The following GABRG3 variants were observed in gnomAD, a reference collection of about 807,000 sequenced individuals.
The protein encoded by GABRG3 is gamma-aminobutyric acid type A receptor subunit gamma3.
In GABRG3, 25 loss-of-function variants were observed where a neutral mutation model predicts 48.8. The ratio of observed to expected loss-of-function variants is 0.51; its 90% CI spans 0.37 to 0.72. The LOEUF is 0.72. GABRG3 is among the 30% of genes least tolerant of loss of function. GABRG3 has a pLI of 0.00. For missense variants in GABRG3, 394 were observed against 577.9 expected (o/e 0.68, Z 3.26); for synonymous variants, 227 against 217.6 (o/e 1.04, Z -0.38).
chr15:27,350,146 A>T (rs575610001), intron 5 of GABRG3: 5 of 455,836 alleles, frequency 1.1e-5, no homozygotes, highest in African/African-American at 1.0e-4. Flanking sequence ...TGGCCTTCAG[A>T]TTGTCTCTTC....
intron 3 of GABRG3, among the ~76,000 whole-genome samples, chr15:27,089,528 A>G (rs1303193520): frequency 6.6e-6 from 1 of 152,134 alleles, no homozygotes; most frequent in African/African-American, 2.4e-5. Flanking sequence ...CTCAGAGTTG[A>G]AAGGCAGTTC....
intron 6 of GABRG3, among the ~76,000 whole-genome samples, chr15:27,488,980 T>A (rs537838821): frequency 6.6e-6 from 1 of 152,288 alleles, no homozygotes; most frequent in East Asian, 1.9e-4. Flanking sequence ...GCTGCACCCA[T>A]CAACCTGTCA....
At chr15:27,071,843 A>G (rs187247768) in intron 3 of GABRG3, among the ~76,000 whole-genome samples, 1 of 152,198 alleles carries the variant, frequency 6.6e-6, no homozygotes, top group Admixed American at 6.5e-5. Flanking sequence ...GCGTACTAAG[A>G]TGGCTTTTCT....
intron 3 of GABRG3, among the ~76,000 whole-genome samples, chr15:27,268,976 C>G (rs550495587): frequency 6.6e-6 from 1 of 152,100 alleles, no homozygotes; most frequent in Non-Finnish European, 1.5e-5. Context: ...ACACTGTTGC[C>G]CAGGGTCTGT....
intron 5 of GABRG3, among the ~76,000 whole-genome samples, chr15:27,396,712 C>G (rs1887308968): frequency 6.6e-6 from 1 of 152,086 alleles, no homozygotes; most frequent in South Asian, 2.1e-4. Flanking sequence ...TTCATAATTG[C>G]CAAAATTTGA....
At chr15:27,231,124 A>G (rs1402414301) in intron 3 of GABRG3, among the ~76,000 whole-genome samples, 11 of 152,048 alleles carry the variant, frequency 7.2e-5, no homozygotes, top group Admixed American at 7.2e-4. Flanking sequence ...GGAAATATCA[A>G]ATATCCATAT....
At chr15:27,041,879 G>A (rs552014164) in intron 3 of GABRG3, among the ~76,000 whole-genome samples, 34 of 152,244 alleles carry the variant, frequency 2.2e-4, no homozygotes, top group Non-Finnish European at 2.8e-4. Context: ...GGACTTTGCC[G>A]TCCCTCCCTG....
chr15:27,027,126 T>C (rs1234904980), intron 3 of GABRG3: 4 of 249,410 alleles, frequency 1.6e-5, no homozygotes, highest in Non-Finnish European at 3.0e-5. Context: ...AGTTTGGACT[T>C]TGAGAGTAAA....
intron 3 of GABRG3, among the ~76,000 whole-genome samples, chr15:27,110,621 T>C (rs1224680861): frequency 6.6e-6 from 1 of 152,068 alleles, no homozygotes; most frequent in Non-Finnish European, 1.5e-5. Flanking sequence ...TTCTCTTTCA[T>C]TTTTGGAAGC....
chr15:27,350,231 A>G (rs992484625), intron 5 of GABRG3: 4 of 454,954 alleles, frequency 8.8e-6, no homozygotes, highest in Non-Finnish European at 1.8e-5. Context: ...ACTCGCTTCC[A>G]TTCGTGGGGA....
chr15:27,362,984 A>C (rs1015147247), intron 5 of GABRG3: 1 of 152,226 alleles, frequency 6.6e-6, no homozygotes, highest in African/African-American at 2.4e-5. Context: ...CCATACTGTA[A>C]ATTGATATAA....
At chr15:27,246,386 A>G (rs1595610021) in intron 3 of GABRG3, among the ~76,000 whole-genome samples, 2 of 152,302 alleles carry the variant, frequency 1.3e-5, no homozygotes, top group African/African-American at 4.8e-5. Flanking sequence ...TTTTATGAAT[A>G]ATTACTTTCT....
Position 26,977,252 on chromosome 15 carries a change from T to C in GABRG3, c.202+102T>C, listed in dbSNP as rs942261381. Reference sequence around the variant, plus strand: ...AATTCCAAGAGTATTGCAAAGATAGTGCAGAAAGGTTTCCTGTACTTGTCA... The same window carrying C: ...AATTCCAAGAGTATTGCAAAGATAGCGCAGAAAGGTTTCCTGTACTTGTCA... On this transcript the variant is annotated intron_variant, in intron 2 of 9. Transcript: ENST00000615808. 1.4e-5 allele frequency: 17 copies of C among 1,240,270 alleles called. No homozygotes were observed. In the South Asian group the frequency reaches 1.9e-4, roughly 14 times the overall value. The allele number at this position is 1,240,270 out of a possible 1,614,324, so 76.8% of individuals were successfully genotyped here. A position where few individuals can be genotyped will look rare whatever the true frequency, so the allele number is the denominator to read the frequency against.
intron 3 of GABRG3, among the ~76,000 whole-genome samples, chr15:27,115,157 A>G (rs1014119071): frequency 2.6e-5 from 4 of 151,946 alleles, no homozygotes; most frequent in African/African-American, 9.7e-5. Context: ...TAATGGTGGC[A>G]GTTAGGCAGG....
chr15:27,366,675 C>A (rs1351085765), intron 5 of GABRG3, among the ~76,000 whole-genome samples: 1 of 152,108 alleles, frequency 6.6e-6, no homozygotes, highest in African/African-American at 2.4e-5. Context: ...TCTCACAGAT[C>A]CAGGTTCAGG....
chr15:27,224,984 C>T (rs745427055), intron 3 of GABRG3, among the ~76,000 whole-genome samples: 2 of 152,016 alleles, frequency 1.3e-5, no homozygotes, highest in Non-Finnish European at 2.9e-5. Context: ...TGCCACCCAC[C>T]GCCTGGGGTG....
intron 3 of GABRG3, among the ~76,000 whole-genome samples, chr15:27,150,281 G>C (rs1490360134): frequency 6.6e-6 from 1 of 152,144 alleles, no homozygotes; most frequent in Admixed American, 6.5e-5. Context: ...TTTCCTCTGG[G>C]GAGTGGGAGT....
At chr15:27,426,215 C>T (rs187664971) in intron 5 of GABRG3, among the ~76,000 whole-genome samples, 114 of 152,176 alleles carry the variant, frequency 7.5e-4, no homozygotes, top group Non-Finnish European at 1.4e-3. Flanking sequence ...TGAAAATGGG[C>T]GGTGGGAAAA....
chr15:27,085,767 C>G (rs917649572), intron 3 of GABRG3, among the ~76,000 whole-genome samples: 1 of 152,146 alleles, frequency 6.6e-6, no homozygotes, highest in African/African-American at 2.4e-5. Context: ...TTGAAAATAT[C>G]AAAATGCTAA....
Sources: allele counts gnomAD v4.1 joint callset (sites outside exome capture counted in the v4.1 genomes callset), GRCh38; gene constraint gnomAD v4.1.1; transcripts MANE v1.5; gene names NCBI Gene and HGNC (gene_info 2026-07-23, HGNC 2026-07-21).